PLA2G4C: variants seen among roughly 807,000 people sequenced by gnomAD.
The protein encoded by PLA2G4C is phospholipase A2 group IVC.
A neutral mutation model predicts 73.8 loss-of-function variants in PLA2G4C; 64 were observed. That is an observed-to-expected ratio of 0.87 (90% confidence interval 0.71 to 1.07). PLA2G4C has a LOEUF of 1.07. PLA2G4C is among the 50% of genes least tolerant of loss of function. The pLI, the probability that PLA2G4C is intolerant of heterozygous loss-of-function variation, is 0.00. For missense variants in PLA2G4C, 622 were observed against 665.4 expected, an observed-to-expected ratio of 0.93 and a Z score of 0.72; for synonymous variants, 254 against 252.1, an observed-to-expected ratio of 1.01 and a Z score of -0.07.
At chr19:48,081,851 C>T (rs140012476) in intron 10 of PLA2G4C, among the ~76,000 whole-genome samples, 1,641 of 151,998 alleles carry the variant, frequency 0.011, 40 homozygotes, top group African/African-American at 0.037. Flanking sequence ...GAGGCTGAGG[C>T]GGGCAGATTG....
chr19:48,069,456 G>A (rs868555364), intron 12 of PLA2G4C, among the ~76,000 whole-genome samples: 4 of 151,974 alleles, frequency 2.6e-5, no homozygotes, highest in Non-Finnish European at 5.9e-5. Flanking sequence ...TATCCCAGAC[G>A]CCTGCCTCTT....
At chr19:48,100,186 A>T (rs548201569) in intron 4 of PLA2G4C, among the ~76,000 whole-genome samples, 2 of 152,218 alleles carry the variant, frequency 1.3e-5, no homozygotes, top group African/African-American at 4.8e-5. Flanking sequence ...AACTGTCTTT[A>T]GTCTTTTATA....
chr19:48,050,505 C>A (rs1169193191), intron 16 of PLA2G4C, among the ~76,000 whole-genome samples: 3 of 152,018 alleles, frequency 2.0e-5, no homozygotes, highest in Admixed American at 6.6e-5. Flanking sequence ...TCAGATAAAG[C>A]TACTTCCCTG....
At position 48,062,136 on chromosome 19, in the gene PLA2G4C, C is replaced by T; in HGVS notation, c.1119G>A (p.Lys373=). The T allele has an allele frequency of 6.3e-7, 1 of 1,586,358 alleles. No homozygotes were observed. Among genetic ancestry groups the T allele is most frequent in the Non-Finnish European group, 8.6e-7 (1 of 1,164,814 alleles). Reference sequence around the variant, plus strand: ...GGAGGTGCTTCCGGCTGCTCATTATCTTGTCCCGGATGCCACCTGTGGTGC... The same window carrying T: ...GGAGGTGCTTCCGGCTGCTCATTATTTTGTCCCGGATGCCACCTGTGGTGC... ...FLYKHGGIRD[K]IMSSRKHLHL... is the part of the protein sequence containing the mutation. The change falls in exon 14 of 17, where the codon AAG becomes AAA. Residue 373 remains lysine (K), a synonymous_variant. Coordinates refer to ENST00000599921, the MANE Select transcript of PLA2G4C (RefSeq NM_003706.3).
Position 48,059,925 on chromosome 19 carries a change from C to T in PLA2G4C, c.1257+2073G>A, listed in dbSNP as rs541704579. Among the ~76,000 whole-genome samples the T allele has an allele frequency of 1.2e-4, 18 of 151,988 alleles. No individual in the cohort carries two copies. In the East Asian group the frequency reaches 1.4e-3, roughly 11 times the overall value. ...CTGGGATTACAGGCACCTGCCACCA[C>T]GCCCAGCTAATTTTTTTGTATTTTT... On this transcript the variant is annotated intron_variant, in intron 14 of 16. Coordinates refer to ENST00000599921, the MANE Select transcript of PLA2G4C (RefSeq NM_003706.3).
chr19:48,087,249 G>T (rs2031031867), intron 9 of PLA2G4C, among the ~76,000 whole-genome samples: 1 of 152,164 alleles, frequency 6.6e-6, no homozygotes, highest in South Asian at 2.1e-4. Context: ...AGCACGGAAA[G>T]CCCACAGCTC....
intron 14 of PLA2G4C, 59 bp from the exon 15 acceptor site, chr19:48,055,108 A>G: frequency 7.0e-7 from 1 of 1,438,290 alleles, no homozygotes; most frequent in Non-Finnish European, 9.3e-7. Context: ...CCTCCAGAAG[A>G]CCCCTGGGGC....
chr19:48,090,046 CATCAAATA>C, intron 8 of PLA2G4C: 1 of 295,278 alleles, frequency 3.4e-6, no homozygotes, highest in Non-Finnish European at 6.3e-6. Flanking sequence ...TGAATTAACT[CATCAAATA>C]TTCATAACTA....
chr19:48,100,477 C>T (rs568728699), intron 4 of PLA2G4C, among the ~76,000 whole-genome samples: 9 of 152,022 alleles, frequency 5.9e-5, no homozygotes, highest in Admixed American at 2.0e-4. Context: ...TGGTGGCACA[C>T]GCCTGTGGTC....
intron 4 of PLA2G4C, among the ~76,000 whole-genome samples, chr19:48,101,126 A>ATATAT (rs1491313107): frequency 1.0e-3 from 74 of 74,126 alleles, no homozygotes; most frequent in African/African-American, 4.1e-3. Flanking sequence ...ATATATATAT[A>ATATAT]TTTTTTTTTT....
intron 12 of PLA2G4C, among the ~76,000 whole-genome samples, chr19:48,069,497 C>A (rs924552256): frequency 2.6e-5 from 4 of 152,166 alleles, no homozygotes; most frequent in Admixed American, 2.0e-4. Flanking sequence ...ATCACCAAGA[C>A]CTGCCAATTC....
chr19:48,077,758 G>A lies in PLA2G4C; in HGVS notation c.898+13C>T. The A allele has an allele frequency of 4.4e-6, 7 of 1,598,046 alleles. No individual in the cohort carries two copies. Among genetic ancestry groups the A allele is most frequent in the Non-Finnish European group, 4.3e-6 (5 of 1,169,278 alleles). Reference sequence around the variant, plus strand: ...ACTATCATTAGGGATTCATGGCAAAGTAGGATGCTTACCTTCTGGGGGAGG... The same window carrying A: ...ACTATCATTAGGGATTCATGGCAAAATAGGATGCTTACCTTCTGGGGGAGG... On this transcript the variant is annotated intron_variant, in intron 11 of 16. Coordinates refer to ENST00000599921, the MANE Select transcript of PLA2G4C (RefSeq NM_003706.3).
intron 7 of PLA2G4C, 54 bp downstream of exon 7, chr19:48,095,410 T>TGCC: frequency 6.4e-7 from 1 of 1,563,660 alleles, no homozygotes; most frequent in Non-Finnish European, 8.8e-7. Flanking sequence ...GGAAAATTCT[T>TGCC]GCCTCTCCTC....
chr19:48,109,885 A>G (rs911561632), intron 1 of PLA2G4C, among the ~76,000 whole-genome samples: 6 of 150,858 alleles, frequency 4.0e-5, no homozygotes, highest in South Asian at 2.1e-4. Flanking sequence ...TCCTGACCTC[A>G]GGATCCGCCC....
chr19:48,083,444 C>CTT (rs368299643), intron 10 of PLA2G4C, among the ~76,000 whole-genome samples: 17 of 34,862 alleles, frequency 4.9e-4, no homozygotes, highest in South Asian at 9.7e-4. Flanking sequence ...TTTTCTTTTT[C>CTT]TTTTTTCTTT....
At chr19:48,101,700 G>A (rs891802184) in intron 4 of PLA2G4C, among the ~76,000 whole-genome samples, 4 of 132,214 alleles carry the variant, frequency 3.0e-5, no homozygotes, top group African/African-American at 1.3e-4. Context: ...TTGAGATGGA[G>A]TTTCACTCTT....
Position 48,087,677 on chromosome 19 carries a change from G to A in PLA2G4C, c.790+1009C>T, listed in dbSNP as rs186082825. On this transcript the variant is annotated intron_variant, in intron 9 of 16. Coordinates refer to ENST00000599921, the MANE Select transcript of PLA2G4C (RefSeq NM_003706.3). Reference sequence around the variant, plus strand: ...CAGCCAGGCATGGTGGCTCACGGCTGTAATCCCAGCACTTTGGGAGGCCGA... The same window carrying A: ...CAGCCAGGCATGGTGGCTCACGGCTATAATCCCAGCACTTTGGGAGGCCGA... Among the ~76,000 whole-genome samples, 7 of 152,278 alleles carry A rather than the reference G, an allele frequency of 4.6e-5. No individual in the cohort carries two copies. The East Asian group carries it at 1.2e-3, about 25-fold the overall frequency.
At chr19:48,069,757 A>C (rs1459596815) in intron 12 of PLA2G4C, among the ~76,000 whole-genome samples, 3 of 151,962 alleles carry the variant, frequency 2.0e-5, no homozygotes, top group African/African-American at 7.3e-5. Flanking sequence ...ACCCTGAGCA[A>C]GTTACTTTTA....
At chr19:48,089,865 T>C (rs1053089699) in intron 8 of PLA2G4C, among the ~76,000 whole-genome samples, 1 of 152,090 alleles carries the variant, frequency 6.6e-6, no homozygotes, top group African/African-American at 2.4e-5. Flanking sequence ...GCAGTGTGGG[T>C]GAGTCACGCA....
Sources: gnomAD v4.1 joint callset for allele counts (sites outside exome capture counted in the v4.1 genomes callset) on GRCh38, gnomAD v4.1.1 for gene constraint, MANE v1.5 for transcripts, NCBI Gene and HGNC (gene_info 2026-07-23, HGNC 2026-07-21) for gene names.